Variants in TRDN observed in about 807,000 individuals in gnomAD.
The protein encoded by TRDN is triadin, also known as triadin in skeletal muscle.
TRDN carries 161 observed loss-of-function variants against 149.7 expected under a neutral mutation model. The observed-to-expected ratio is 1.08, with a 90% confidence interval of 0.95 to 1.23. The LOEUF is 1.23. TRDN is among the 50% of genes most tolerant of loss of function. The probability of loss-of-function intolerance (pLI) is 0.00; values close to 1 mark genes in which losing one functional copy is unlikely to be tolerated. For missense variants in TRDN, 896 were observed against 823.5 expected (o/e 1.09, Z -1.08); for synonymous variants, 294 against 250.5 (o/e 1.17, Z -1.64).
At chr6:123,614,300 C>CAAAAAAAAAAAAAACA (rs1784968485) in intron 1 of TRDN, among the ~76,000 whole-genome samples, 1 of 99,856 alleles carries the variant, frequency 1.0e-5, no homozygotes, top group Non-Finnish European at 2.0e-5. Flanking sequence ...AAAAAAAAAA[C>CAAAAAAAAAAAAAACA]AAAAAAAAAA....
chr6:123,602,422 C>G (rs1288442170), intron 1 of TRDN, among the ~76,000 whole-genome samples: 1 of 128,588 alleles, frequency 7.8e-6, no homozygotes, highest in Non-Finnish European at 1.8e-5. Flanking sequence ...TTTGAGGACA[C>G]AGAGGGAAGG....
intron 1 of TRDN, among the ~76,000 whole-genome samples, chr6:123,592,927 C>T (rs1783853711): frequency 6.6e-6 from 1 of 151,422 alleles, no homozygotes; most frequent in Non-Finnish European, 1.5e-5. Context: ...ATAAAAATCA[C>T]TTTCTTTTTT....
At chr6:123,230,470 G>A (rs1159964133) in intron 38 of TRDN, among the ~76,000 whole-genome samples, 2 of 151,412 alleles carry the variant, frequency 1.3e-5, no homozygotes, top group African/African-American at 4.9e-5. Flanking sequence ...ACACCAACAT[G>A]GCACATGTTT....
At chr6:123,293,670 C>T (rs1778088348) in intron 24 of TRDN, among the ~76,000 whole-genome samples, 1 of 152,016 alleles carries the variant, frequency 6.6e-6, no homozygotes, top group Non-Finnish European at 1.5e-5. Flanking sequence ...AACATCACAC[C>T]CTGTAGGGCT....
chr6:123,343,928 A>G (rs1232542498), intron 21 of TRDN, among the ~76,000 whole-genome samples: 1 of 152,006 alleles, frequency 6.6e-6, no homozygotes, highest in Non-Finnish European at 1.5e-5. Context: ...TTAGGTCATC[A>G]GCATGGAACC....
intron 23 of TRDN, among the ~76,000 whole-genome samples, chr6:123,317,028 T>C (rs1431283): frequency 0.18 from 27,463 of 151,636 alleles, 3,363 homozygotes; most frequent in East Asian, 0.6. Context: ...TATAGACAAT[T>C]GTGACATAAA....
chr6:123,328,986 G>A (rs1779569180), intron 23 of TRDN, among the ~76,000 whole-genome samples: 1 of 152,014 alleles, frequency 6.6e-6, no homozygotes, highest in Non-Finnish European at 1.5e-5. Context: ...TATGGTTACG[G>A]CTTTTAAAAT....
intron 1 of TRDN, among the ~76,000 whole-genome samples, chr6:123,628,855 G>A (rs533575009): frequency 6.6e-6 from 1 of 152,130 alleles, no homozygotes; most frequent in African/African-American, 2.4e-5. Context: ...CCTCTGGCAT[G>A]ACATACTGCT....
chr6:123,436,008 C>T (rs746239425), intron 12 of TRDN, among the ~76,000 whole-genome samples: 1 of 152,118 alleles, frequency 6.6e-6, no homozygotes, highest in Non-Finnish European at 1.5e-5. Flanking sequence ...CACACATACG[C>T]ATGAGCACAC....
At chr6:123,547,960 C>T (rs138913879) in intron 3 of TRDN, among the ~76,000 whole-genome samples, 303 of 152,114 alleles carry the variant, frequency 2.0e-3, no homozygotes, top group African/African-American at 7.1e-3. Context: ...CTATTCTACA[C>T]CACCATTTGG....
intron 10 of TRDN, among the ~76,000 whole-genome samples, chr6:123,454,362 T>C: frequency 6.6e-6 from 1 of 152,206 alleles, no homozygotes; most frequent in East Asian, 1.9e-4. Flanking sequence ...AATCACTTTA[T>C]TTTACATGGT....
intron 1 of TRDN, 125 bp downstream of exon 1, chr6:123,636,629 A>G: frequency 9.2e-7 from 1 of 1,092,248 alleles, no homozygotes; most frequent in Non-Finnish European, 1.4e-6. Flanking sequence ...GATCCTGTAT[A>G]GAATCATTGA....
chr6:123,244,407 T>C (rs894388954), intron 38 of TRDN, among the ~76,000 whole-genome samples: 3 of 152,038 alleles, frequency 2.0e-5, no homozygotes, highest in Non-Finnish European at 4.4e-5. Flanking sequence ...CATAAATGAC[T>C]GATGGAGCCG....
chr6:123,488,663 T>G (rs2063763988), intron 9 of TRDN: 1 of 152,280 alleles, frequency 6.6e-6, no homozygotes, highest in South Asian at 2.1e-4. Context: ...GTTGATCTTT[T>G]TAATTTCATT....
intron 1 of TRDN, among the ~76,000 whole-genome samples, chr6:123,613,762 GTT>G (rs1390553197): frequency 6.6e-6 from 1 of 152,088 alleles, no homozygotes; most frequent in African/African-American, 2.4e-5. Context: ...TGAAAAAATT[GTT>G]TTTAGATTTG....
At chr6:123,609,964 G>A (rs754619724) in intron 1 of TRDN, among the ~76,000 whole-genome samples, 8 of 152,118 alleles carry the variant, frequency 5.3e-5, no homozygotes, top group Non-Finnish European at 8.8e-5. Context: ...ATAATTAGAA[G>A]TAAATTTATA....
intron 24 of TRDN, among the ~76,000 whole-genome samples, chr6:123,297,467 G>A (rs1175206101): frequency 2.6e-5 from 4 of 151,906 alleles, no homozygotes; most frequent in South Asian, 2.1e-4. Flanking sequence ...ACACTACTTC[G>A]AAGTTTTTTT....
At chr6:123,422,733 G>A (rs928043981) in intron 12 of TRDN, among the ~76,000 whole-genome samples, 1 of 151,942 alleles carries the variant, frequency 6.6e-6, no homozygotes, top group Non-Finnish European at 1.5e-5. Flanking sequence ...AATAAAATGG[G>A]GCAAGTTTAT....
intron 24 of TRDN, among the ~76,000 whole-genome samples, chr6:123,297,133 T>C (rs917687897): frequency 4.6e-5 from 7 of 152,132 alleles, no homozygotes; most frequent in Non-Finnish European, 8.8e-5. Context: ...TATATTATGC[T>C]AAGTTTTCGA....
Sources: allele counts gnomAD v4.1 joint callset (sites outside exome capture counted in the v4.1 genomes callset), GRCh38; gene constraint gnomAD v4.1.1; transcripts MANE v1.5; gene names NCBI Gene and HGNC (gene_info 2026-07-23, HGNC 2026-07-21).